The following MPPED1 variants were observed in gnomAD, a reference collection of about 807,000 sequenced individuals.
MPPED1 encodes metallophosphoesterase domain containing 1, also known as metallophosphoesterase domain-containing protein 1.
MPPED1 carries 16 observed loss-of-function variants against 36.2 expected under a neutral mutation model. The ratio of observed to expected loss-of-function variants is 0.44; its 90% confidence interval spans 0.30 to 0.67. The LOEUF is 0.67. MPPED1 is among the 30% of genes least tolerant of loss of function. The pLI is 0.10. For missense variants in MPPED1, 307 were observed against 453.4 expected, an observed-to-expected ratio of 0.68 and a Z score of 2.93; for synonymous variants, 199 against 191.3, an observed-to-expected ratio of 1.04 and a Z score of -0.33.
chr22:43,463,815 C>CTTTCTTTTTTTTTTTTTTTCTT (rs1377538955), intron 3 of MPPED1, among the ~76,000 whole-genome samples: 3 of 47,948 alleles, frequency 6.3e-5, no homozygotes, highest in African/African-American at 1.8e-4. Flanking sequence ...TCTTTTCTTT[C>CTTTCTTTTTTTTTTTTTTTCTT]TTTCTTTCTT....
intron 4 of MPPED1, among the ~76,000 whole-genome samples, chr22:43,495,391 AGTGATGGAGGTG>A (rs1341931787): frequency 1.5e-4 from 4 of 25,890 alleles, no homozygotes; most frequent in African/African-American, 8.3e-4. Context: ...TGGTGGTGGT[AGTGATGGAGGTG>A]GTGATGGAGG....
chr22:43,495,065 TG>T (rs1317822413), intron 4 of MPPED1, among the ~76,000 whole-genome samples: 1 of 152,090 alleles, frequency 6.6e-6, no homozygotes, highest in Non-Finnish European at 1.5e-5. Context: ...ATATTAATTT[TG>T]GGGGGATGCA....
At chr22:43,496,427 G>A (rs1602018849) in intron 4 of MPPED1, among the ~76,000 whole-genome samples, 2 of 103,276 alleles carry the variant, frequency 1.9e-5, no homozygotes, top group South Asian at 7.1e-4. Flanking sequence ...GGTGGTGGTG[G>A]TGGAGGTGGT....
intron 3 of MPPED1, among the ~76,000 whole-genome samples, chr22:43,470,712 AT>A (rs1429763491): frequency 6.6e-6 from 1 of 152,168 alleles, no homozygotes; most frequent in Non-Finnish European, 1.5e-5. Context: ...TTTGCTATTG[AT>A]TTGTCTCATC....
At chr22:43,462,795 A>T (rs1369315256) in intron 3 of MPPED1, among the ~76,000 whole-genome samples, 2 of 152,084 alleles carry the variant, frequency 1.3e-5, no homozygotes, top group African/African-American at 2.4e-5. Context: ...TCCTGCTCAC[A>T]GTCACCATCT....
At position 43,507,063 on chromosome 22, in the gene MPPED1, A is replaced by T. The variant is rs1046290875; in HGVS notation, c.*1447A>T. 2.0e-5 allele frequency: 3 copies of T among 152,112 alleles called. No individual in the cohort carries two copies. The highest frequency in any genetic ancestry group is 3.9e-4 in the East Asian group (2 of 5,170). The allele number at this position is 152,112 out of a possible 1,614,324, so 9.4% of individuals were successfully genotyped here. On this transcript the variant is annotated 3_prime_UTR_variant, in exon 7 of 7. Coordinates refer to ENST00000443721, the MANE Select transcript of MPPED1 (RefSeq NM_001044370.2). ...CATTTCATCCTCAGATGGTCCTTCA[A>T]GGTAGGTACTTTAGTCCCATTTTAG...
intron 3 of MPPED1, among the ~76,000 whole-genome samples, chr22:43,447,883 A>ATATACATATATATT (rs1321289636): frequency 1.5e-5 from 1 of 67,738 alleles, no homozygotes; most frequent in Non-Finnish European, 2.6e-5. Context: ...ATATATATAT[A>ATATACATATATATT]TTTTTTTTTT....
intron 2 of MPPED1, among the ~76,000 whole-genome samples, chr22:43,425,953 C>A (rs984403426): frequency 9.2e-5 from 14 of 152,204 alleles, no homozygotes; most frequent in African/African-American, 3.4e-4. Context: ...CTCTGGATTT[C>A]CCGAGGACCT....
intron 3 of MPPED1, among the ~76,000 whole-genome samples, chr22:43,452,014 T>C (rs1038370455): frequency 4.0e-5 from 6 of 150,310 alleles, no homozygotes; most frequent in African/African-American, 1.2e-4. Context: ...ATTTTTCTTT[T>C]TTTCTTTCTT....
rs1422243593 is a variant in MPPED1 at position 43,505,580 on chromosome 22, C to A, written c.945C>A (p.Pro315=). The A allele has an allele frequency of 1.2e-6, 2 of 1,612,606 alleles. No homozygotes were observed. Among genetic ancestry groups the A allele is most frequent in the South Asian group, 1.1e-5 (1 of 90,622 alleles). Residue 315 remains proline (P), a synonymous_variant, in exon 7 of 7, where the codon CCC becomes CCA. Coordinates refer to ENST00000443721, the MANE Select transcript of MPPED1 (RefSeq NM_001044370.2). ...CTVNYQPVNP[P]IVIDLPTPRN... ...TGAACTACCAGCCCGTGAACCCGCC[C>A]ATAGTCATCGACCTCCCCACACCCC... is the stretch of plus-strand genomic sequence containing the variant.
intron 4 of MPPED1, among the ~76,000 whole-genome samples, chr22:43,481,897 T>A (rs753272614): frequency 5.3e-5 from 8 of 152,212 alleles, no homozygotes; most frequent in Non-Finnish European, 1.0e-4. Flanking sequence ...GCCCTGCACT[T>A]ACCAAGCCTT....
At chr22:43,464,120 G>C (rs902234814) in intron 3 of MPPED1, among the ~76,000 whole-genome samples, 2 of 151,868 alleles carry the variant, frequency 1.3e-5, no homozygotes, top group Admixed American at 1.3e-4. Flanking sequence ...TGTTGACCAG[G>C]CTGGTCTTGA....
intron 2 of MPPED1, among the ~76,000 whole-genome samples, chr22:43,432,907 AAAGAGAAAG>A (rs1929808805): frequency 1.6e-5 from 1 of 62,432 alleles, no homozygotes; most frequent in African/African-American, 3.9e-5. Flanking sequence ...AGAGAGAGGG[AAAGAGAAAG>A]GGAGGAGAGA....
At chr22:43,414,813 C>T (rs937701632) in intron 1 of MPPED1, among the ~76,000 whole-genome samples, 2 of 152,124 alleles carry the variant, frequency 1.3e-5, no homozygotes, top group African/African-American at 4.8e-5. Context: ...TTCCGTTCAG[C>T]AATAAGTACC....
chr22:43,497,451 C>T (rs1019710896), intron 4 of MPPED1, among the ~76,000 whole-genome samples: 2 of 152,154 alleles, frequency 1.3e-5, no homozygotes, highest in Non-Finnish European at 1.5e-5. Flanking sequence ...CAGCTGCCCA[C>T]AGCTCCCAAG....
At chr22:43,501,144 G>A (rs569338398) in intron 5 of MPPED1, among the ~76,000 whole-genome samples, 39 of 152,192 alleles carry the variant, frequency 2.6e-4, no homozygotes, top group South Asian at 8.3e-4. Context: ...CTGGGCCCTG[G>A]TGTGATTTAA....
At chr22:43,455,986 A>G (rs1355609613) in intron 3 of MPPED1, among the ~76,000 whole-genome samples, 2 of 152,126 alleles carry the variant, frequency 1.3e-5, no homozygotes, top group African/African-American at 2.4e-5. Context: ...CTGGTGAGGG[A>G]GAGGAAACAG....
chr22:43,484,713 C>T (rs997630977), intron 4 of MPPED1, among the ~76,000 whole-genome samples: 1 of 152,146 alleles, frequency 6.6e-6, no homozygotes, highest in Non-Finnish European at 1.5e-5. Context: ...AGGAATTGCC[C>T]CACCTGCTTA....
intron 3 of MPPED1, among the ~76,000 whole-genome samples, chr22:43,471,320 C>T (rs1021422038): frequency 6.6e-6 from 1 of 152,178 alleles, no homozygotes; most frequent in Admixed American, 6.5e-5. Context: ...GGTGGCCACC[C>T]CCAACCCGAG....
Sources: gnomAD v4.1 joint callset for allele counts (sites outside exome capture counted in the v4.1 genomes callset) on GRCh38, gnomAD v4.1.1 for gene constraint, MANE v1.5 for transcripts, NCBI Gene and HGNC (gene_info 2026-07-23, HGNC 2026-07-21) for gene names.